The following OSGEPL1 variants were observed in gnomAD, a reference collection of about 807,000 sequenced individuals.
OSGEPL1 encodes the protein O-sialoglycoprotein endopeptidase like 1, also known as tRNA N6-adenosine threonylcarbamoyltransferase, mitochondrial.
Under a neutral mutation model 37.2 loss-of-function variants are expected in OSGEPL1, and 26 were observed. The observed-to-expected ratio is 0.70, with a 90% CI of 0.51 to 0.97. OSGEPL1 has a LOEUF of 0.97. Ranked by LOEUF, OSGEPL1 falls within the 50% of genes least tolerant of loss-of-function variation. The pLI is 0.00. For missense variants in OSGEPL1, 404 were observed against 487.0 expected (o/e 0.83, Z 1.60); for synonymous variants, 140 against 159.9 (o/e 0.88, Z 0.94).
intron 2 of OSGEPL1, among the ~76,000 whole-genome samples, chr2:189,756,445 G>C (rs775125408): frequency 2.6e-5 from 4 of 152,162 alleles, no homozygotes; most frequent in Non-Finnish European, 5.9e-5. Context: ...GATGTTGCAA[G>C]ATCTACTAGT....
chr2:189,761,912 TATTAAGACAGCTA>T (rs2047122699), intron 1 of OSGEPL1, among the ~76,000 whole-genome samples: 1 of 152,204 alleles, frequency 6.6e-6, no homozygotes, highest in African/African-American at 2.4e-5. Context: ...AAAGACTTAC[TATTAAGACAGCTA>T]ATATAAAGTA....
intron 5 of OSGEPL1, 29 bp downstream of exon 5, chr2:189,753,887 C>G (rs754720023): frequency 6.2e-7 from 1 of 1,608,208 alleles, no homozygotes; most frequent in Non-Finnish European, 8.5e-7. Flanking sequence ...CAAAGTGTAA[C>G]TATTACTATA....
At chr2:189,761,115 C>A in intron 2 of OSGEPL1, 1 of 213,240 alleles carries the variant, frequency 4.7e-6, no homozygotes, top group Non-Finnish European at 9.1e-6. Flanking sequence ...AGGACTTCAG[C>A]TGAGACCATG....
At chr2:189,759,384 G>A (rs545827403) in intron 2 of OSGEPL1, among the ~76,000 whole-genome samples, 23 of 152,070 alleles carry the variant, frequency 1.5e-4, no homozygotes, top group Non-Finnish European at 2.1e-4. Flanking sequence ...AAGTAGCTGC[G>A]ACTACAGGCG....
At chr2:189,758,996 T>C (rs1559174184) in intron 2 of OSGEPL1, among the ~76,000 whole-genome samples, 1 of 152,200 alleles carries the variant, frequency 6.6e-6, no homozygotes, top group Non-Finnish European at 1.5e-5. Flanking sequence ...GTAATAATAG[T>C]TACTGTCTGC....
intron 2 of OSGEPL1, among the ~76,000 whole-genome samples, chr2:189,757,788 CA>C (rs2046308499): frequency 1.3e-5 from 2 of 152,152 alleles, no homozygotes; most frequent in African/African-American, 4.8e-5. Flanking sequence ...TATAGGTATT[CA>C]AAAAATGCTG....
intron 8 of OSGEPL1, among the ~76,000 whole-genome samples, chr2:189,747,982 G>A (rs537117542): frequency 4.7e-4 from 71 of 152,106 alleles, no homozygotes; most frequent in African/African-American, 1.7e-3. Context: ...CACTGCGCCT[G>A]GCTTCACTGT....
At chr2:189,758,697 A>G (rs1439447284) in intron 2 of OSGEPL1, among the ~76,000 whole-genome samples, 6 of 152,210 alleles carry the variant, frequency 3.9e-5, no homozygotes, top group African/African-American at 1.4e-4. Context: ...TGATGTGTCA[A>G]ACATTGTGTT....
rs2044216600 is a variant in OSGEPL1, at chr2:189,746,747, CG to C, written c.*449del. 4 of 1,101,614 alleles carry C rather than the reference CG, an allele frequency of 3.6e-6. No individual in the cohort carries two copies. The highest frequency in any genetic ancestry group is 4.9e-6 in the Non-Finnish European group (4 of 808,196). The allele number at this position is 1,101,614 out of a possible 1,614,324, so 68.2% of individuals were successfully genotyped here. On this transcript the variant is annotated 3_prime_UTR_variant, in exon 9 of 9. Transcript: ENST00000264151. Reference sequence around the variant, plus strand: ...CTTTTTGAATGAAAGTTCTTGATCTCGATACTAAGCAGATTTTCCTTAGCAT... The same window carrying C: ...CTTTTTGAATGAAAGTTCTTGATCTCATACTAAGCAGATTTTCCTTAGCAT...
At chr2:189,760,223 C>A (rs1015672391) in intron 2 of OSGEPL1, among the ~76,000 whole-genome samples, 3 of 152,312 alleles carry the variant, frequency 2.0e-5, no homozygotes, top group Non-Finnish European at 2.9e-5. Flanking sequence ...CTTTTCTATT[C>A]GACAAAACCG....
At position 189,746,812 on chromosome 2, in the gene OSGEPL1, C is replaced by CA; in HGVS notation, c.*384dup. The CA allele has an allele frequency of 1.6e-6, 1 of 610,556 alleles. No homozygotes were observed. The highest frequency in any genetic ancestry group is 2.5e-6 in the Non-Finnish European group (1 of 401,470). The allele number at this position is 610,556 out of a possible 1,614,324, so 37.8% of individuals were successfully genotyped here. A position where few individuals can be genotyped will look rare whatever the true frequency, so the allele number is the denominator to read the frequency against. The stretch of plus-strand genomic sequence containing the variant: ...TAGTGTCAGGTCAGAGTTATGGTTT[C>CA]AAAAAATTAGGATTTCTGTAAACAA... On this transcript the variant is annotated 3_prime_UTR_variant, in exon 9 of 9. Coordinates refer to ENST00000264151, the MANE Select transcript of OSGEPL1 (RefSeq NM_022353.3).
At chr2:189,752,037 A>T (rs2045342851) in intron 7 of OSGEPL1, among the ~76,000 whole-genome samples, 1 of 151,746 alleles carries the variant, frequency 6.6e-6, no homozygotes, top group African/African-American at 2.4e-5. Flanking sequence ...CCAGCTACTC[A>T]GGAGGCTGAG....
In OSGEPL1 at chr2:189,754,281, A is replaced by G; in HGVS notation, c.674T>C (p.Ile225Thr). Reference protein sequence around the residue: ...ECSTMSGGKAIEHLAKQGNRF... With the variant: ...ECSTMSGGKATEHLAKQGNRF... ...ATTTCCTTGTTTGGCCAAATGTTCT[A>G]TGGCTTTCCCACCACTCATGGTGGA... The change falls in exon 4 of 9, where the codon ATA becomes ACA. Residue 225 changes from isoleucine (I) to threonine (T), a missense_variant. Coordinates refer to ENST00000264151, the MANE Select transcript of OSGEPL1 (RefSeq NM_022353.3). The G allele has an allele frequency of 1.9e-6, 3 of 1,613,826 alleles. No homozygotes were observed. The highest frequency in any genetic ancestry group is 2.5e-6 in the Non-Finnish European group (3 of 1,179,796).
In OSGEPL1 at chr2:189,755,419, A is replaced by G. The variant is rs928978578; in HGVS notation, c.363T>C (p.Ala121=). 1 of 1,610,024 alleles carries G rather than the reference A, an allele frequency of 6.2e-7. No individual in the cohort carries two copies. ...ATGATAAGCCCACTCCCAGGCTTAA[A>G]GCAAGTCCTGGTTTTATGGTAGTTG... ...AIATTIKPGL[A]LSLGVGLSFS... is the part of the protein sequence containing the mutation. Residue 121 remains alanine (A), a synonymous_variant, in exon 3 of 9, where the codon GCT becomes GCC. Coordinates refer to ENST00000264151, the MANE Select transcript of OSGEPL1 (RefSeq NM_022353.3).
At chr2:189,751,444 GTT>G (rs779920289) in intron 7 of OSGEPL1, among the ~76,000 whole-genome samples, 14 of 126,120 alleles carry the variant, frequency 1.1e-4, no homozygotes, top group Non-Finnish European at 1.1e-4. Context: ...GACAAGTTGT[GTT>G]TTTTTTTTTT....
chr2:189,757,412 C>G (rs2046241218), intron 2 of OSGEPL1, among the ~76,000 whole-genome samples: 1 of 152,168 alleles, frequency 6.6e-6, no homozygotes, highest in South Asian at 2.1e-4. Flanking sequence ...TGCTTACTGT[C>G]TTCTTCATTT....
chr2:189,760,188 CTCTT>C (rs2046792648), intron 2 of OSGEPL1, among the ~76,000 whole-genome samples: 1 of 152,228 alleles, frequency 6.6e-6, no homozygotes, highest in Admixed American at 6.5e-5. Context: ...AATCTGATCT[CTCTT>C]TCTTTTCCCC....
Position 189,750,588 on chromosome 2 carries a change from A to T in OSGEPL1, c.1235T>A (p.Met412Lys), listed in dbSNP as rs1559160439. 5 of 1,575,554 alleles carry T rather than the reference A, an allele frequency of 3.2e-6. No homozygotes were observed. In the South Asian group the frequency reaches 5.8e-5, roughly 18 times the overall value. The change falls in exon 8 of 9, where the codon ATG becomes AAG. Residue 412 changes from methionine (M) to lysine (K), a missense_variant. By Grantham distance (95) the Met-to-Lys change is moderately conservative. Coordinates refer to ENST00000264151, the MANE Select transcript of OSGEPL1 (RefSeq NM_022353.3). ...EASIKVPQLKMEI is the reference protein window; with the variant it reads ...EASIKVPQLKKEI ...TTTGAACAGCAGAAATCATATCTCC[A>T]TTTTTAATTGTGGTACTTTTATGGA...
intron 3 of OSGEPL1, 135 bp from the exon 4 acceptor site, chr2:189,754,480 T>TC (rs2045768274): frequency 1.3e-6 from 1 of 785,906 alleles, no homozygotes; most frequent in African/African-American, 1.8e-5. Flanking sequence ...CTTTGGCAAA[T>TC]ATAGACTATA....
Sources: allele counts gnomAD v4.1 joint callset (sites outside exome capture counted in the v4.1 genomes callset), GRCh38; gene constraint gnomAD v4.1.1; transcripts MANE v1.5; gene names NCBI Gene and HGNC (gene_info 2026-07-23, HGNC 2026-07-21).